The following UBAP1 variants were observed in gnomAD, a reference collection of about 807,000 sequenced individuals.
The protein encoded by UBAP1 is ubiquitin associated protein 1.
In UBAP1, 5 loss-of-function variants were observed where a neutral mutation model predicts 39.0. The ratio of observed to expected loss-of-function variants is 0.13; its 90% CI spans 0.07 to 0.27. The LOEUF is 0.27. Among genes scored for constraint, UBAP1 ranks in the 10% least tolerant of loss-of-function variants. UBAP1 has a pLI of 1.00. For synonymous variants in UBAP1, 211 were observed against 225.1 expected, an observed-to-expected ratio of 0.94 and a Z score of 0.56; for missense variants, 490 against 608.1, an observed-to-expected ratio of 0.81 and a Z score of 2.04.
chr9:34,193,202 CAG>C (rs941576237), intron 1 of UBAP1, among the ~76,000 whole-genome samples: 11 of 152,118 alleles, frequency 7.2e-5, no homozygotes, highest in African/African-American at 9.6e-5. Flanking sequence ...CCCAGTTACT[CAG>C]GGGGGCTGAG....
chr9:34,226,133 G>GTGTGTGTGTT lies in UBAP1; in HGVS notation c.34+5194_34+5195insTTGTGTGTGT, dbSNP rs1554650854. ...TGTGTGTGTGTGTGTGTGTGTGTGT[G>GTGTGTGTGTT]TGTGTGTGTGTGTGTGTGTGTGTGG... is the stretch of plus-strand genomic sequence containing the variant. On this transcript the variant is annotated intron_variant, in intron 2 of 6. Coordinates refer to ENST00000297661, the MANE Select transcript of UBAP1 (RefSeq NM_016525.5). Among the ~76,000 whole-genome samples, 629 of 143,290 alleles carry GTGTGTGTGTT rather than the reference G, an allele frequency of 4.4e-3. 9 individuals are homozygous for GTGTGTGTGTT. Among genetic ancestry groups the GTGTGTGTGTT allele is most frequent in the East Asian group, 0.037 (178 of 4,842 alleles). The allele number at this position is 143,290 out of a possible 152,430, so 94.0% of individuals were successfully genotyped here.
Position 34,199,842 on chromosome 9 carries a change from T to C in UBAP1, c.-8+20602T>C, listed in dbSNP as rs975458779. ...TTTTTGTAGAGACTGGGTTTCACCA[T>C]GTTGCCCAGGCTGGTCTGGAACTCC... On this transcript the variant is annotated intron_variant, in intron 1 of 6. Transcript: ENST00000297661. 2.7e-5 allele frequency among the ~76,000 whole-genome samples: 4 copies of C among 146,494 alleles called. 1 individual carries two copies. The highest frequency in any genetic ancestry group is 1.4e-4 in the Admixed American group (2 of 14,256).
chr9:34,251,345 T>C, intron 6 of UBAP1, 47 bp from the exon 7 acceptor site: 3 of 1,605,580 alleles, frequency 1.9e-6, no homozygotes, highest in African/African-American at 2.7e-5. Flanking sequence ...TCAGCTGTGC[T>C]GTGACCCCAC....
intron 2 of UBAP1, among the ~76,000 whole-genome samples, chr9:34,221,347 G>A (rs988524249): frequency 1.3e-5 from 2 of 152,012 alleles, no homozygotes; most frequent in Non-Finnish European, 2.9e-5. Context: ...GTCTAACACG[G>A]TGAAACCCCG....
At position 34,181,116 on chromosome 9, in the gene UBAP1, C is replaced by CTTTTTTTTTTTTTTTTT. The variant is rs67856544; in HGVS notation, c.-8+1877_-8+1893dup. 5.1e-4 allele frequency among the ~76,000 whole-genome samples: 37 copies of CTTTTTTTTTTTTTTTTT among 72,262 alleles called. 3 individuals are homozygous for CTTTTTTTTTTTTTTTTT. Among genetic ancestry groups the CTTTTTTTTTTTTTTTTT allele is most frequent in the East Asian group, 1.0e-3 (2 of 1,942 alleles). The allele number at this position is 72,262 out of a possible 152,430, so 47.4% of individuals were successfully genotyped here. A position where few individuals can be genotyped will look rare whatever the true frequency, so the allele number is the denominator to read the frequency against. On this transcript the variant is annotated intron_variant, in intron 1 of 6. Coordinates refer to ENST00000297661, the MANE Select transcript of UBAP1 (RefSeq NM_016525.5). The stretch of plus-strand genomic sequence containing the variant: ...TGAGCCACCGCACCCGGCCTGTTTT[C>CTTTTTTTTTTTTTTTTT]TTTTTTTTTTTTTTTTTGAGACAGA...
At chr9:34,200,328 T>G (rs902950930) in intron 1 of UBAP1, among the ~76,000 whole-genome samples, 2 of 152,238 alleles carry the variant, frequency 1.3e-5, no homozygotes, top group South Asian at 2.1e-4. Flanking sequence ...GGCCTTGGCC[T>G]TAGAATCTGT....
intron 1 of UBAP1, among the ~76,000 whole-genome samples, chr9:34,215,518 T>G (rs1832257187): frequency 7.5e-6 from 1 of 134,084 alleles, no homozygotes; most frequent in African/African-American, 2.7e-5. Flanking sequence ...TACAGTGGAC[T>G]TTGGTGACCT....
chr9:34,221,038 T>G, intron 2 of UBAP1, 90 bp downstream of exon 2: 1 of 1,142,894 alleles, frequency 8.7e-7, no homozygotes, highest in Non-Finnish European at 1.3e-6. Flanking sequence ...AAGTGCCCCT[T>G]TTTGTCTCTT....
chr9:34,242,760 GT>G, intron 4 of UBAP1, among the ~76,000 whole-genome samples: 1 of 152,208 alleles, frequency 6.6e-6, no homozygotes, highest in Non-Finnish European at 1.5e-5. Flanking sequence ...CCTGACCTTA[GT>G]TGATCCACCT....
intron 2 of UBAP1, among the ~76,000 whole-genome samples, chr9:34,226,671 C>T (rs1298958237): frequency 3.3e-5 from 5 of 152,106 alleles, no homozygotes; most frequent in Non-Finnish European, 7.3e-5. Flanking sequence ...ATCACATATG[C>T]ATTAGGTTGT....
At chr9:34,242,248 C>T in intron 4 of UBAP1, 140 bp downstream of exon 4, 1 of 855,910 alleles carries the variant, frequency 1.2e-6, no homozygotes, top group Non-Finnish European at 1.8e-6. Flanking sequence ...GTGATCGTAC[C>T]TTATTGTAGC....
At chr9:34,220,718 C>T (rs770147636) in intron 1 of UBAP1, among the ~76,000 whole-genome samples, 190 bp from the exon 2 acceptor site, 2 of 152,072 alleles carry the variant, frequency 1.3e-5, no homozygotes, top group Admixed American at 6.6e-5. Flanking sequence ...CCACCTCTGC[C>T]GCCCAAAGCA....
chr9:34,180,632 TATTA>T (rs1587766892), intron 1 of UBAP1, among the ~76,000 whole-genome samples: 2 of 152,216 alleles, frequency 1.3e-5, no homozygotes, highest in Admixed American at 6.6e-5. Flanking sequence ...TTTCTAGTTC[TATTA>T]ATTCATGGTG....
chr9:34,241,858 A>G lies in UBAP1; in HGVS notation c.833A>G (p.Gln278Arg), dbSNP rs1833973069. The change falls in exon 4 of 7, where the codon CAG becomes CGG. Residue 278 changes from glutamine (Q) to arginine (R), a missense_variant. Physicochemically the swap from Gln to Arg is conservative, Grantham distance 43 (BLOSUM62 1). This residue lies in a region of UBAP1 where 339 missense variants were observed against 390.0 expected (regional missense o/e 0.87). Coordinates refer to ENST00000297661, the MANE Select transcript of UBAP1 (RefSeq NM_016525.5). ...AAACTTGACTCTGATGACAGCAATC[A>G]GAAGACAGCCAAGCTGGCGAGCACT... Reference protein sequence around the residue: ...FPKLDSDDSNQKTAKLASTFH... With the variant: ...FPKLDSDDSNRKTAKLASTFH... 1 of 1,614,062 alleles carries G rather than the reference A, an allele frequency of 6.2e-7. No individual in the cohort carries two copies. The highest frequency in any genetic ancestry group is 1.7e-5 in the Admixed American group (1 of 59,994).
At chr9:34,219,560 T>G (rs1162850857) in intron 1 of UBAP1, among the ~76,000 whole-genome samples, 1 of 152,040 alleles carries the variant, frequency 6.6e-6, no homozygotes, top group Non-Finnish European at 1.5e-5. Flanking sequence ...ATCTAAATCC[T>G]TGGCACCAGA....
intron 1 of UBAP1, among the ~76,000 whole-genome samples, chr9:34,192,868 T>C (rs1830809493): frequency 6.6e-6 from 1 of 151,324 alleles, no homozygotes; most frequent in African/African-American, 2.4e-5. Flanking sequence ...TCCTCTTTTA[T>C]ATAAAAATAT....
At chr9:34,195,113 T>A (rs117049143) in intron 1 of UBAP1, among the ~76,000 whole-genome samples, 2,990 of 152,190 alleles carry the variant, frequency 0.02, 45 homozygotes, top group Non-Finnish European at 0.028. Flanking sequence ...AGAGATTTTT[T>A]AAATGTATTT....
chr9:34,189,587 G>T (rs1410523213), intron 1 of UBAP1, among the ~76,000 whole-genome samples: 1 of 152,112 alleles, frequency 6.6e-6, no homozygotes, highest in Non-Finnish European at 1.5e-5. Context: ...ATCACTGCTG[G>T]AGCAGACTTT....
chr9:34,220,243 C>G (rs902213836), intron 1 of UBAP1, among the ~76,000 whole-genome samples: 2 of 138,222 alleles, frequency 1.4e-5, no homozygotes, highest in African/African-American at 2.8e-5. Flanking sequence ...GCCTCAAATC[C>G]TGAGCTTAAG....
Sources: gnomAD v4.1 joint callset for allele counts (sites outside exome capture counted in the v4.1 genomes callset) on GRCh38, gnomAD v4.1.1 for gene constraint, gnomAD v4.1.1 regional missense constraint, MANE v1.5 for transcripts, NCBI Gene and HGNC (gene_info 2026-07-23, HGNC 2026-07-21) for gene names.